Variants in ZNF91 observed in about 807,000 individuals in gnomAD.
The protein encoded by ZNF91 is zinc finger protein 91 (HPF7, HTF10).
Under a neutral mutation model 12.6 loss-of-function variants are expected in ZNF91, and 7 were observed. The observed-to-expected ratio is 0.55, with a 90% CI of 0.31 to 1.04. The LOEUF (loss-of-function observed/expected upper bound fraction) is 1.04. Ranked by LOEUF, ZNF91 falls within the 50% of genes least tolerant of loss-of-function variation. The probability of loss-of-function intolerance (pLI) is 0.05; values close to 1 mark genes in which losing one functional copy is unlikely to be tolerated. For synonymous variants in ZNF91, 453 were observed against 462.6 expected (o/e 0.98, Z 0.27); for missense variants, 1,217 against 1,385.4 (o/e 0.88, Z 1.93).
chr19:23,333,978 T>C (rs1428092765), downstream of ZNF91, among the ~76,000 whole-genome samples: 2 of 152,160 alleles, frequency 1.3e-5, no homozygotes, highest in Non-Finnish European at 2.9e-5. Flanking sequence ...ATTGATATAA[T>C]ATGGTTCTAG....
At chr19:23,328,906 T>C (rs1328202848) in intron 1 of ZNF91, 6 of 152,196 alleles carry the variant, frequency 3.9e-5, no homozygotes, top group Non-Finnish European at 8.8e-5. Context: ...GATTAAGCAA[T>C]GTATATGAAC....
chr19:23,345,586 T>C (rs540673537), intron 3 of ZNF91, among the ~76,000 whole-genome samples: 13 of 152,212 alleles, frequency 8.5e-5, no homozygotes, highest in South Asian at 4.2e-4. Flanking sequence ...ACCACCCAGA[T>C]TGCCTTCCTC....
chr19:23,337,117 C>G (rs987832342), downstream of ZNF91, among the ~76,000 whole-genome samples: 6 of 151,970 alleles, frequency 3.9e-5, no homozygotes, highest in Admixed American at 2.0e-4. Context: ...TAAGTAATTT[C>G]TCACCATCTA....
intron 3 of ZNF91, among the ~76,000 whole-genome samples, chr19:23,346,028 C>A (rs1968222775): frequency 6.6e-6 from 1 of 152,122 alleles, no homozygotes; most frequent in Admixed American, 6.5e-5. Context: ...TTAGCCCATG[C>A]CCCACTCTTA....
intron 1 of ZNF91, chr19:23,385,258 G>A: frequency 1.9e-6 from 1 of 530,168 alleles, no homozygotes; most frequent in Non-Finnish European, 3.4e-6. Context: ...CTCACTTTTG[G>A]ATGAGGGGCT....
Position 23,358,307 on chromosome 19 carries a change from CATA to C in ZNF91, c.*1093_*1095del, listed in dbSNP as rs372490644. The C allele has an allele frequency of 4.9e-3, 751 of 152,192 alleles. 3 individuals are homozygous for C. The highest frequency in any genetic ancestry group is 0.017 in the African/African-American group (725 of 41,538). 9.4% of individuals were successfully genotyped at this position (152,192 alleles called of 1,614,324 possible). ...ACTAAAATTAAGAATGTTTTTCTTT[CATA>C]ATAATGCAGAATATTAATCTGAACA... On this transcript the variant is annotated 3_prime_UTR_variant, in exon 4 of 4. Coordinates refer to ENST00000300619, the MANE Select transcript of ZNF91 (RefSeq NM_003430.4).
intron 1 of ZNF91, among the ~76,000 whole-genome samples, chr19:23,310,143 A>G (rs1459227059): frequency 1.3e-5 from 2 of 151,862 alleles, no homozygotes; most frequent in Non-Finnish European, 2.9e-5. Context: ...TAACAGCACA[A>G]AGGATTTAGA....
chr19:23,350,895 C>T (rs1968347810), intron 3 of ZNF91, among the ~76,000 whole-genome samples: 1 of 152,122 alleles, frequency 6.6e-6, no homozygotes, highest in Non-Finnish European at 1.5e-5. Flanking sequence ...AGGCCTCAGC[C>T]CGCCTGCACC....
chr19:23,332,797 C>T (rs1165092025), intron 1 of ZNF91, among the ~76,000 whole-genome samples: 8 of 152,068 alleles, frequency 5.3e-5, no homozygotes, highest in African/African-American at 1.9e-4. Flanking sequence ...TTGCATAGGT[C>T]GTGTTACTAC....
chr19:23,341,977 G>A (rs554182742), intron 3 of ZNF91, among the ~76,000 whole-genome samples: 2 of 152,262 alleles, frequency 1.3e-5, no homozygotes, highest in East Asian at 3.9e-4. Flanking sequence ...TCACTAAATA[G>A]GAAGTAGGAT....
At chr19:23,317,106 C>A (rs576585408) in intron 1 of ZNF91, among the ~76,000 whole-genome samples, 2 of 151,532 alleles carry the variant, frequency 1.3e-5, no homozygotes, top group Admixed American at 1.3e-4. Flanking sequence ...AGTGCAGTGG[C>A]GCGATCTTGG....
At chr19:23,323,289 CCCCTCCTT>C (rs1378584016) in intron 1 of ZNF91, among the ~76,000 whole-genome samples, 1 of 147,360 alleles carries the variant, frequency 6.8e-6, no homozygotes, top group East Asian at 2.0e-4. Flanking sequence ...CTCTCCTCCT[CCCCTCCTT>C]CTCTTCCTCA....
chr19:23,369,538 G>A (rs531057364), intron 3 of ZNF91, among the ~76,000 whole-genome samples: 1 of 152,296 alleles, frequency 6.6e-6, no homozygotes, highest in South Asian at 2.1e-4. Context: ...GGGCCATGAT[G>A]ACGATGGCAG....
chr19:23,318,728 C>T (rs554785768), intron 1 of ZNF91, among the ~76,000 whole-genome samples: 1 of 152,342 alleles, frequency 6.6e-6, no homozygotes, highest in African/African-American at 2.4e-5. Context: ...GCTATGCCCA[C>T]AGAAGGTAGA....
chr19:23,352,418 C>G (rs764816526), intron 3 of ZNF91, among the ~76,000 whole-genome samples: 17 of 152,280 alleles, frequency 1.1e-4, no homozygotes, highest in Admixed American at 3.3e-4. Flanking sequence ...TCAGACACAT[C>G]TAGCACCTCC....
chr19:23,363,207 C>T (rs1461588950), intron 3 of ZNF91, among the ~76,000 whole-genome samples: 2 of 152,208 alleles, frequency 1.3e-5, no homozygotes, highest in African/African-American at 4.8e-5. Context: ...AAATTGCCAA[C>T]TCCTGGTTTA....
intron 3 of ZNF91, among the ~76,000 whole-genome samples, chr19:23,371,425 T>C (rs1437706706): frequency 6.6e-6 from 1 of 152,168 alleles, no homozygotes; most frequent in Non-Finnish European, 1.5e-5. Context: ...GTCATATTTG[T>C]AGACATAAAA....
chr19:23,387,551 T>C (rs1969911222), intron 1 of ZNF91, among the ~76,000 whole-genome samples: 1 of 152,124 alleles, frequency 6.6e-6, no homozygotes, highest in East Asian at 1.9e-4. Flanking sequence ...ATCCCATCTA[T>C]AAAAATGCAT....
At position 23,361,426 on chromosome 19, in the gene ZNF91, T is replaced by C. The variant is rs1250356634; in HGVS notation, c.1553A>G (p.Tyr518Cys). ...AGCTTTGCCACATTCTTCAAATTTGTAGGGTTTCTCTCCAGTATGAATTAT... is the reference window on the plus strand; with the variant it reads ...AGCTTTGCCACATTCTTCAAATTTGCAGGGTTTCTCTCCAGTATGAATTAT... ...HKIIHTGEKP[Y>C]KFEECGKAFR... The change falls in exon 4 of 4, where the codon TAC (tyrosine) becomes TGC (cysteine). Residue 518 changes from tyrosine to cysteine, a missense_variant. Coordinates refer to ENST00000300619, the MANE Select transcript of ZNF91 (RefSeq NM_003430.4). 1 of 1,613,710 alleles carries C rather than the reference T, an allele frequency of 6.2e-7. No individual in the cohort carries two copies. The highest frequency in any genetic ancestry group is 8.5e-7 in the Non-Finnish European group (1 of 1,179,788).
Sources: allele counts gnomAD v4.1 joint callset (sites outside exome capture counted in the v4.1 genomes callset), GRCh38; gene constraint gnomAD v4.1.1; transcripts MANE v1.5; gene names NCBI Gene and HGNC (gene_info 2026-07-23, HGNC 2026-07-21).